MAPK10: variants seen among roughly 807,000 people sequenced by gnomAD.
The protein encoded by MAPK10 is JNK3 alpha protein kinase.
A neutral mutation model predicts 59.3 loss-of-function variants in MAPK10; 25 were observed. The observed-to-expected ratio is 0.42, with a 90% CI of 0.31 to 0.59. The LOEUF (loss-of-function observed/expected upper bound fraction) is 0.59, where lower values mean the gene tolerates loss of function less well. MAPK10 is among the 20% of genes least tolerant of loss of function. The pLI is 0.15. For synonymous variants in MAPK10, 190 were observed against 200.5 expected (o/e 0.95, Z 0.44); for missense variants, 351 against 568.9 (o/e 0.62, Z 3.90).
At chr4:86,244,516 G>A (rs192286028) in intron 2 of MAPK10, among the ~76,000 whole-genome samples, 44 of 152,214 alleles carry the variant, frequency 2.9e-4, no homozygotes, top group Non-Finnish European at 3.2e-4. Flanking sequence ...AATGAAGGTC[G>A]AGTTCTAGTG....
chr4:86,236,883 A>G (rs1172778430), intron 2 of MAPK10, among the ~76,000 whole-genome samples: 2 of 152,192 alleles, frequency 1.3e-5, no homozygotes, highest in East Asian at 3.9e-4. Context: ...TCTAAAAAAT[A>G]AAAAACGGGG....
Position 86,017,049 on chromosome 4 carries a change from A to ATATTTG in MAPK10, c.*178_*179insCAAATA. 1.5e-6 allele frequency: 1 copy of ATATTTG among 657,828 alleles called. No homozygotes were observed. The highest frequency in any genetic ancestry group is 2.5e-6 in the Non-Finnish European group (1 of 397,966). The allele number at this position is 657,828 out of a possible 1,614,324, so 40.7% of individuals were successfully genotyped here. A position where few individuals can be genotyped will look rare whatever the true frequency, so the allele number is the denominator to read the frequency against. ...ATATACATTTGAGCTTAGCTGCAAT[A>ATATTTG]CAGAACCCTGGGGAAGAAGCAGGCT... is the stretch of plus-strand genomic sequence containing the variant. On this transcript the variant is annotated 3_prime_UTR_variant, in exon 14 of 14. Coordinates refer to ENST00000641462, the MANE Select transcript of MAPK10 (RefSeq NM_138982.4). This position sits in a 1 kb window ranked among gnomAD's most constrained non-coding sequence, Gnocchi z 4.4.
intron 2 of MAPK10, among the ~76,000 whole-genome samples, chr4:86,311,962 C>A (rs72663918): frequency 0.34 from 46,269 of 137,964 alleles, 7,481 homozygotes; most frequent in Non-Finnish European, 0.41. Context: ...CAAAATGGGG[C>A]AGACTCATAA....
intron 1 of MAPK10, among the ~76,000 whole-genome samples, chr4:86,432,016 CA>C (rs1458863989): frequency 1.3e-5 from 2 of 152,076 alleles, no homozygotes; most frequent in Non-Finnish European, 2.9e-5. Context: ...TGTTGAAATC[CA>C]AAAGGAGAGG....
At chr4:86,257,654 C>T (rs950719639) in intron 2 of MAPK10, among the ~76,000 whole-genome samples, 1 of 152,082 alleles carries the variant, frequency 6.6e-6, no homozygotes, top group Non-Finnish European at 1.5e-5. Context: ...CTATTTATTA[C>T]CCACCTCCGC....
At chr4:86,369,145 C>T (rs575070978) in intron 1 of MAPK10, among the ~76,000 whole-genome samples, 3 of 152,320 alleles carry the variant, frequency 2.0e-5, no homozygotes, top group Non-Finnish European at 4.4e-5. Context: ...CACTCTGCGG[C>T]AATTCCTGCA....
chr4:86,234,178 C>T (rs1438009213), intron 2 of MAPK10, among the ~76,000 whole-genome samples: 1 of 151,850 alleles, frequency 6.6e-6, no homozygotes, highest in African/African-American at 2.4e-5. Context: ...ACATGCAAGA[C>T]ACAACAATAA....
intron 1 of MAPK10, among the ~76,000 whole-genome samples, chr4:86,404,421 C>T (rs1744107160): frequency 6.6e-6 from 1 of 152,136 alleles, no homozygotes; most frequent in African/African-American, 2.4e-5. Flanking sequence ...CTACAGACTT[C>T]TATTACTCTT....
chr4:86,566,723 A>T (rs1407487115), intron 1 of MAPK10, among the ~76,000 whole-genome samples: 1 of 151,770 alleles, frequency 6.6e-6, no homozygotes, highest in Non-Finnish European at 1.5e-5. Context: ...TAAAAAAAAA[A>T]AGTAGTCTAT....
At chr4:86,362,285 A>G (rs912691139), upstream of MAPK10, among the ~76,000 whole-genome samples, 2 of 152,114 alleles carry the variant, frequency 1.3e-5, no homozygotes, top group Non-Finnish European at 2.9e-5. Context: ...TTTATTCAAG[A>G]TGAATTGTAC....
intron 4 of MAPK10, among the ~76,000 whole-genome samples, chr4:86,136,080 G>A (rs1216761599): frequency 1.3e-5 from 2 of 152,146 alleles, no homozygotes; most frequent in African/African-American, 2.4e-5. Flanking sequence ...GAAAGTGATG[G>A]GGAGAATGGA....
At chr4:86,269,527 C>T (rs947860559) in intron 2 of MAPK10, among the ~76,000 whole-genome samples, 1 of 152,112 alleles carries the variant, frequency 6.6e-6, no homozygotes, top group South Asian at 2.1e-4. Context: ...ACAGTCTGTA[C>T]ATCTTGTCTC....
At position 86,436,252 on chromosome 4, in the gene MAPK10, A is replaced by T. The variant is rs11946235; in HGVS notation, c.-122+16778T>A. 6.0e-3 allele frequency among the ~76,000 whole-genome samples: 916 copies of T among 152,298 alleles called. 6 individuals carry two copies. Among genetic ancestry groups the T allele is most frequent in the African/African-American group, 0.02 (818 of 41,558 alleles). On this transcript the variant is annotated intron_variant, in intron 1 of 13. Transcript: ENST00000361569. The stretch of plus-strand genomic sequence containing the variant: ...TGGGTGGCCAAAATGAAACTCACAA[A>T]GTCTGAGCACTAAAATCCTTTTAGT...
chr4:86,379,529 G>T (rs1740366275), intron 1 of MAPK10, among the ~76,000 whole-genome samples: 1 of 152,188 alleles, frequency 6.6e-6, no homozygotes, highest in Non-Finnish European at 1.5e-5. Context: ...CTGGAAGGTT[G>T]TGGGTTTACC....
chr4:86,548,324 G>A (rs549419218), intron 1 of MAPK10, among the ~76,000 whole-genome samples: 5 of 152,082 alleles, frequency 3.3e-5, no homozygotes, highest in South Asian at 2.1e-4. Context: ...AAACACATCC[G>A]AACATCAGAA....
At chr4:86,526,452 C>T (rs773629209) in intron 1 of MAPK10, among the ~76,000 whole-genome samples, 19 of 152,030 alleles carry the variant, frequency 1.2e-4, no homozygotes, top group African/African-American at 1.9e-4. Flanking sequence ...TTATTTGAAC[C>T]TTCTCTTTTC....
intron 1 of MAPK10, among the ~76,000 whole-genome samples, chr4:86,521,354 T>C (rs539262091): frequency 8.0e-4 from 122 of 152,264 alleles, no homozygotes; most frequent in Admixed American, 1.7e-3. Flanking sequence ...CCATAGAGCA[T>C]AGAGCTCCCA....
At chr4:86,368,414 C>T (rs1189671107) in intron 1 of MAPK10, among the ~76,000 whole-genome samples, 1 of 152,126 alleles carries the variant, frequency 6.6e-6, no homozygotes, top group Non-Finnish European at 1.5e-5. Context: ...TTGCGTTGTG[C>T]ATTTCTATGG....
intron 1 of MAPK10, among the ~76,000 whole-genome samples, chr4:86,409,849 A>G (rs1217640915): frequency 1.3e-5 from 2 of 152,246 alleles, no homozygotes; most frequent in African/African-American, 2.4e-5. Context: ...ATCTGAAAAC[A>G]GAGACAATTT....
Sources: allele counts gnomAD v4.1 joint callset (sites outside exome capture counted in the v4.1 genomes callset), GRCh38; gene constraint gnomAD v4.1.1; non-coding constraint Gnocchi (gnomAD v3.1); transcripts MANE v1.5; gene names NCBI Gene and HGNC (gene_info 2026-07-23, HGNC 2026-07-21).